DOCK4: variants seen among roughly 807,000 people sequenced by gnomAD.
DOCK4 encodes dedicator of cytokinesis 4, also known as dedicator of cytokinesis protein 4.
DOCK4 carries 97 observed loss-of-function variants against 268.1 expected under a neutral mutation model. That is an observed-to-expected ratio of 0.36 (90% CI 0.31 to 0.43). DOCK4 has a LOEUF of 0.43. Among genes scored for constraint, DOCK4 ranks in the 20% least tolerant of loss-of-function variants. The pLI is 1.00. For synonymous variants in DOCK4, 954 were observed against 887.2 expected, an observed-to-expected ratio of 1.08 and a Z score of -1.34; for missense variants, 2,145 against 2,455.7, an observed-to-expected ratio of 0.87 and a Z score of 2.67.
chr7:112,176,255 G>C (rs1233475218), intron 1 of DOCK4, among the ~76,000 whole-genome samples: 1 of 152,104 alleles, frequency 6.6e-6, no homozygotes, highest in Admixed American at 6.6e-5. Flanking sequence ...TAAAGAAAAA[G>C]AACATATGAA....
intron 1 of DOCK4, among the ~76,000 whole-genome samples, chr7:112,141,049 G>A (rs143516355): frequency 1.3e-3 from 197 of 152,124 alleles, no homozygotes; most frequent in African/African-American, 4.4e-3. Context: ...TGACACACCC[G>A]GAACTACCAA....
At chr7:112,057,685 A>T (rs1366498296) in intron 1 of DOCK4, among the ~76,000 whole-genome samples, 1 of 152,060 alleles carries the variant, frequency 6.6e-6, no homozygotes, top group Non-Finnish European at 1.5e-5. Flanking sequence ...TGAGTTGGGA[A>T]GATCGCTTGA....
intron 23 of DOCK4, among the ~76,000 whole-genome samples, chr7:111,849,604 C>A (rs1466563873): frequency 1.3e-5 from 2 of 152,140 alleles, no homozygotes; most frequent in Non-Finnish European, 2.9e-5. Flanking sequence ...ATCTGATGAT[C>A]CTTCATTGTC....
chr7:111,793,234 A>G (rs1400470397), intron 30 of DOCK4, among the ~76,000 whole-genome samples: 1 of 152,212 alleles, frequency 6.6e-6, no homozygotes, highest in East Asian at 1.9e-4. Flanking sequence ...TTGAAGGGCC[A>G]TGTTGCAATG....
At chr7:111,732,767 C>T (rs1298545489) in intron 51 of DOCK4, among the ~76,000 whole-genome samples, 2 of 152,210 alleles carry the variant, frequency 1.3e-5, no homozygotes, top group East Asian at 1.9e-4. Flanking sequence ...CCAAACAACC[C>T]CAGTACTCCC....
At chr7:112,019,509 G>C (rs1490904133) in intron 1 of DOCK4, among the ~76,000 whole-genome samples, 1 of 152,092 alleles carries the variant, frequency 6.6e-6, no homozygotes, top group Non-Finnish European at 1.5e-5. Context: ...AATTCTGGAA[G>C]TTAAAAAGCA....
intron 34 of DOCK4, 90 bp from the exon 35 acceptor site, chr7:111,783,014 G>GAAA: frequency 9.7e-6 from 4 of 412,750 alleles, no homozygotes; most frequent in South Asian, 9.0e-5. Context: ...AAGAAAGAAA[G>GAAA]AAAGAAAAAA....
chr7:111,876,325 T>C (rs1353102633), intron 17 of DOCK4, among the ~76,000 whole-genome samples: 1 of 152,198 alleles, frequency 6.6e-6, no homozygotes, highest in East Asian at 1.9e-4. Context: ...CTTCTACAAA[T>C]GCTGTTCTCT....
chr7:112,035,917 A>G (rs1803713365), intron 1 of DOCK4, among the ~76,000 whole-genome samples: 1 of 152,190 alleles, frequency 6.6e-6, no homozygotes, highest in South Asian at 2.1e-4. Flanking sequence ...GTTTTTGAAC[A>G]AAAGAAAGAA....
Position 111,739,490 on chromosome 7 carries a change from A to G in DOCK4, c.5041-13T>C, listed in dbSNP as rs773278922. The G allele has an allele frequency of 1.3e-6, 2 of 1,557,400 alleles. No homozygotes were observed. The highest frequency in any genetic ancestry group is 2.7e-5 in the African/African-American group (2 of 73,372). ...TAGATGGACTTGGCTGGAAACACAC[A>G]GGGAGCTATTATCATACCCTGATTA... is the stretch of plus-strand genomic sequence containing the variant. On this transcript the variant is annotated splice_polypyrimidine_tract_variant and intron_variant, in intron 47 of 52. Coordinates refer to ENST00000428084, the MANE Select transcript of DOCK4 (RefSeq NM_001363540.2).
At chr7:111,938,294 T>A (rs1034561897) in intron 11 of DOCK4, among the ~76,000 whole-genome samples, 1 of 152,102 alleles carries the variant, frequency 6.6e-6, no homozygotes, top group Admixed American at 6.5e-5. Flanking sequence ...AGTAGAAAAA[T>A]CCATGAAACC....
intron 1 of DOCK4, among the ~76,000 whole-genome samples, chr7:112,022,556 G>C (rs766347798): frequency 6.6e-6 from 1 of 152,182 alleles, no homozygotes; most frequent in South Asian, 2.1e-4. Context: ...AGCCCAGCCA[G>C]CTATTAACCG....
At chr7:112,074,640 T>G (rs1223375444) in intron 1 of DOCK4, among the ~76,000 whole-genome samples, 1 of 152,234 alleles carries the variant, frequency 6.6e-6, no homozygotes, top group Non-Finnish European at 1.5e-5. Flanking sequence ...GTGGTTCCTG[T>G]GTTACCCAGG....
At chr7:111,874,330 C>A (rs888167619) in intron 17 of DOCK4, among the ~76,000 whole-genome samples, 1 of 152,072 alleles carries the variant, frequency 6.6e-6, no homozygotes, top group African/African-American at 2.4e-5. Flanking sequence ...AAGGAGGTGG[C>A]TATGCTGGCT....
rs75529262 is a variant in DOCK4, at chr7:111,783,022, A to G, written c.3525-98T>C. On this transcript the variant is annotated intron_variant, in intron 34 of 52. Transcript: ENST00000428084. ...GGAAAAAAAGAAAGAAAGAAAGAAAAAAAAAAAAAAAGAAGCCACTTTTAG... is the reference window on the plus strand; with the variant it reads ...GGAAAAAAAGAAAGAAAGAAAGAAAGAAAAAAAAAAAGAAGCCACTTTTAG... The G allele has an allele frequency of 7.0e-3, 8,074 of 1,148,282 alleles. 150 individuals are homozygous for G. Among genetic ancestry groups the G allele is most frequent in the African/African-American group, 0.064 (3,937 of 61,868 alleles). 71.1% of individuals were successfully genotyped at this position (1,148,282 alleles called of 1,614,324 possible).
At chr7:111,919,158 A>G (rs1792882381) in intron 12 of DOCK4, among the ~76,000 whole-genome samples, 1 of 152,176 alleles carries the variant, frequency 6.6e-6, no homozygotes, top group African/African-American at 2.4e-5. Context: ...CAAACAAAAA[A>G]ACATAAGCTG....
intron 1 of DOCK4, among the ~76,000 whole-genome samples, chr7:112,136,469 A>G (rs745382659): frequency 2.0e-5 from 3 of 152,236 alleles, no homozygotes; most frequent in Non-Finnish European, 2.9e-5. Flanking sequence ...ACAAAATGCC[A>G]TAATTCACTC....
chr7:111,793,625 C>T (rs184729125), intron 30 of DOCK4, among the ~76,000 whole-genome samples: 175 of 152,270 alleles, frequency 1.1e-3, no homozygotes, highest in Non-Finnish European at 1.9e-3. Flanking sequence ...ATAAGAATGT[C>T]TAGTGTATTT....
chr7:111,862,911 A>G (rs1805671222), intron 23 of DOCK4: 1 of 172,142 alleles, frequency 5.8e-6, no homozygotes, highest in Non-Finnish European at 1.2e-5. Flanking sequence ...TATTCGGGAA[A>G]AAAAAACAGA....
Sources: allele counts gnomAD v4.1 joint callset (sites outside exome capture counted in the v4.1 genomes callset), GRCh38; gene constraint gnomAD v4.1.1; transcripts MANE v1.5; gene names NCBI Gene and HGNC (gene_info 2026-07-23, HGNC 2026-07-21).